The following ZNF131 variants were observed in gnomAD, a reference collection of about 807,000 sequenced individuals.
ZNF131 encodes zinc finger and BTB domain containing 35, also known as zinc finger protein 131.
In ZNF131, 7 loss-of-function variants were observed where a neutral mutation model predicts 60.0. That is an observed-to-expected ratio of 0.12 (90% CI 0.07 to 0.22). ZNF131 has a LOEUF of 0.22. Ranked by LOEUF, ZNF131 falls within the 10% of genes least tolerant of loss-of-function variation. ZNF131 has a pLI of 1.00. For synonymous variants in ZNF131, 257 were observed against 253.2 expected (o/e 1.01, Z -0.14); for missense variants, 493 against 740.9 (o/e 0.67, Z 3.88).
chr5:43,133,738 G>A (rs764024420), intron 3 of ZNF131, among the ~76,000 whole-genome samples: 1 of 152,168 alleles, frequency 6.6e-6, no homozygotes, highest in Non-Finnish European at 1.5e-5. Flanking sequence ...TGAAAAATCA[G>A]ACCTTGGTGA....
At chr5:43,160,607 G>A (rs2453311) in intron 4 of ZNF131, among the ~76,000 whole-genome samples, 1 of 151,602 alleles carries the variant, frequency 6.6e-6, no homozygotes, top group African/African-American at 2.4e-5. Flanking sequence ...ATGATATGAG[G>A]TAAAGGTTGA....
At chr5:43,174,385 C>A in intron 6 of ZNF131, 62 bp from the exon 7 acceptor site, 1 of 1,357,032 alleles carries the variant, frequency 7.4e-7, no homozygotes. Flanking sequence ...AGAATAAATG[C>A]ATTCATATTT....
intron 5 of ZNF131, among the ~76,000 whole-genome samples, chr5:43,163,091 C>T (rs1409074070): frequency 6.8e-6 from 1 of 147,296 alleles, no homozygotes; most frequent in Non-Finnish European, 1.5e-5. Flanking sequence ...TCTGCCTCAG[C>T]CTCCTGAGTA....
intron 4 of ZNF131, among the ~76,000 whole-genome samples, chr5:43,147,805 A>T (rs1025029704): frequency 2.6e-5 from 4 of 150,996 alleles, no homozygotes; most frequent in African/African-American, 9.7e-5. Context: ...CTGTAATCAC[A>T]GCACTTTGGG....
chr5:43,141,809 T>C (rs1168583389), intron 4 of ZNF131, among the ~76,000 whole-genome samples: 1 of 151,062 alleles, frequency 6.6e-6, no homozygotes. Context: ...CCTAAAACAA[T>C]CATTGCTTTT....
At chr5:43,163,591 C>T (rs1294940469) in intron 5 of ZNF131, among the ~76,000 whole-genome samples, 1 of 152,220 alleles carries the variant, frequency 6.6e-6, no homozygotes, top group Non-Finnish European at 1.5e-5. Flanking sequence ...ACAACCTTTG[C>T]TGGGTCTCCT....
intron 5 of ZNF131, among the ~76,000 whole-genome samples, chr5:43,167,054 A>G (rs777481191): frequency 1.3e-5 from 2 of 152,170 alleles, no homozygotes; most frequent in African/African-American, 2.4e-5. Flanking sequence ...TAGAGAGACT[A>G]GAGGAGAGAG....
intron 4 of ZNF131, among the ~76,000 whole-genome samples, chr5:43,144,024 G>A (rs867929047): frequency 1.4e-5 from 2 of 139,826 alleles, no homozygotes; most frequent in Non-Finnish European, 3.0e-5. Context: ...CCAGGTTCAC[G>A]CTATTCTCCT....
intron 4 of ZNF131, among the ~76,000 whole-genome samples, chr5:43,150,601 C>A (rs956664828): frequency 2.6e-5 from 4 of 152,076 alleles, no homozygotes; most frequent in Non-Finnish European, 5.9e-5. Flanking sequence ...ACCAGCCTGG[C>A]TAACGTGGTG....
intron 5 of ZNF131, among the ~76,000 whole-genome samples, chr5:43,168,389 T>G (rs1750611671): frequency 6.6e-6 from 1 of 152,090 alleles, no homozygotes; most frequent in South Asian, 2.1e-4. Context: ...AAACAAATTG[T>G]TTGGATCACT....
At position 43,173,305 on chromosome 5, in the gene ZNF131, T is replaced by C. The variant is rs534869230; in HGVS notation, c.1055-13T>C. 1.5e-5 allele frequency: 23 copies of C among 1,518,008 alleles called. No homozygotes were observed. In the African/African-American group the frequency reaches 3.0e-4, roughly 20 times the overall value. The allele number at this position is 1,518,008 out of a possible 1,614,324, so 94.0% of individuals were successfully genotyped here. On this transcript the variant is annotated splice_polypyrimidine_tract_variant and intron_variant, in intron 5 of 6. Coordinates refer to ENST00000682664, the MANE Select transcript of ZNF131 (RefSeq NM_001330707.2). ...TCTTAATTTGCCAACGTATCTTTTT[T>C]CCCCTCTAATAGGTGAAAAACCTTT...
intron 5 of ZNF131, among the ~76,000 whole-genome samples, chr5:43,163,920 T>A (rs1750053894): frequency 6.6e-6 from 1 of 152,188 alleles, no homozygotes. Flanking sequence ...ACCACATAGA[T>A]TCAGATGATG....
intron 1 of ZNF131, 93 bp from the exon 2 acceptor site, chr5:43,121,945 GT>G: frequency 1.5e-6 from 2 of 1,341,964 alleles, no homozygotes; most frequent in Non-Finnish European, 2.0e-6. Context: ...TTCTTTTCAC[GT>G]TGCTGGTTTT....
At chr5:43,158,321 C>T (rs186259084) in intron 4 of ZNF131, among the ~76,000 whole-genome samples, 1 of 151,998 alleles carries the variant, frequency 6.6e-6, no homozygotes, top group Admixed American at 6.5e-5. Context: ...GACAGTTTCA[C>T]TCTTGTTGCC....
chr5:43,170,228 C>T (rs1750813942), intron 5 of ZNF131, among the ~76,000 whole-genome samples: 1 of 152,234 alleles, frequency 6.6e-6, no homozygotes, highest in Admixed American at 6.5e-5. Context: ...CTGTATTACA[C>T]TAATTCCAGC....
In ZNF131 at chr5:43,139,231, GAGA is replaced by G. The variant is rs780111368; in HGVS notation, c.302_304del (p.Glu101del). On this transcript the variant is annotated inframe_deletion, in exon 4 of 7. Transcript: ENST00000682664. The stretch of plus-strand genomic sequence containing the variant: ...TATACAGCAAAATTAATGATACAAG[GAGA>G]AGAAGAAGCCAATGATGTATGGAAA... The G allele has an allele frequency of 1.2e-6, 2 of 1,612,618 alleles. No individual in the cohort carries two copies. Among genetic ancestry groups the G allele is most frequent in the Non-Finnish European group, 8.5e-7 (1 of 1,179,450 alleles).
Position 43,161,638 on chromosome 5 carries a change from T to C in ZNF131, c.761T>C (p.Leu254Pro). ...GGTATTGAAATTGTGGAACTTCAGC[T>C]GTCACATGTGAAGGACTTGTTCCAT... is the stretch of plus-strand genomic sequence containing the variant. Reference protein sequence around the residue: ...VEGIEIVELQLSHVKDLFHCE... With the variant: ...VEGIEIVELQPSHVKDLFHCE... The change falls in exon 5 of 7, where the codon CTG becomes CCG. Residue 254 changes from leucine to proline, a missense_variant. This residue lies in a region of ZNF131 where 138 missense variants were observed against 158.7 expected (regional missense o/e 0.87). Coordinates refer to ENST00000682664, the MANE Select transcript of ZNF131 (RefSeq NM_001330707.2). 1 of 1,614,242 alleles carries C rather than the reference T, an allele frequency of 6.2e-7. No individual in the cohort carries two copies. The highest frequency in any genetic ancestry group is 8.5e-7 in the Non-Finnish European group (1 of 1,180,026).
intron 4 of ZNF131, among the ~76,000 whole-genome samples, chr5:43,144,404 A>C (rs1747319931): frequency 6.6e-6 from 1 of 150,706 alleles, no homozygotes; most frequent in Non-Finnish European, 1.5e-5. Context: ...AATTTTTTTT[A>C]CTTTTGGTAG....
At chr5:43,124,141 ATT>A (rs1433829058) in intron 3 of ZNF131, 1 of 152,126 alleles carries the variant, frequency 6.6e-6, no homozygotes, top group Non-Finnish European at 1.5e-5. Context: ...ATTTGTAATA[ATT>A]TACACTTCAG....
Sources: gnomAD v4.1 joint callset for allele counts (sites outside exome capture counted in the v4.1 genomes callset) on GRCh38, gnomAD v4.1.1 for gene constraint, gnomAD v4.1.1 regional missense constraint, MANE v1.5 for transcripts, NCBI Gene and HGNC (gene_info 2026-07-23, HGNC 2026-07-21) for gene names.